LAD1: variants seen among roughly 807,000 people sequenced by gnomAD.
The protein encoded by LAD1 is ladinin-1.
LAD1 carries 53 observed loss-of-function variants against 54.2 expected under a neutral mutation model. The observed-to-expected ratio is 0.98, with a 90% CI of 0.78 to 1.23. LAD1 has a LOEUF of 1.23. LAD1 is among the 50% of genes most tolerant of loss of function. LAD1 has a pLI of 0.00. For missense variants in LAD1, 637 were observed against 653.3 expected (o/e 0.98, Z 0.27); for synonymous variants, 231 against 257.7 (o/e 0.90, Z 0.99).
chr1:201,389,335 T>A (rs780662096), intron 1 of LAD1, 32 bp from the exon 2 acceptor site: 3 of 1,601,174 alleles, frequency 1.9e-6, no homozygotes, highest in Non-Finnish European at 2.6e-6. Context: ...TCAGCACAGC[T>A]GGGGAAACCC....
In LAD1 at chr1:201,386,815, C is replaced by T. The variant is rs2799677; in HGVS notation, c.546G>A (p.Lys182=). The T allele has an allele frequency of 0.49, 793,915 of 1,613,332 alleles. 198,747 individuals are homozygous for T. The highest frequency in any genetic ancestry group is 0.71 in the African/African-American group (52,880 of 74,844). Residue 182 remains lysine, a synonymous_variant, in exon 3 of 10, where the codon AAG becomes AAA. Transcript: ENST00000391967. The part of the protein sequence containing the change: ...GVPEKSPVLE[K]SSMPKKTAPE... The stretch of plus-strand genomic sequence containing the variant: ...GTGCCGTCTTCTTTGGCATGGAGGA[C>T]TTCTCCAAGACTGGGGACTTTTCTG...
In LAD1 at chr1:201,383,077, C is replaced by T. The variant is rs770122019; in HGVS notation, c.1383G>A (p.Arg461=). The T allele has an allele frequency of 6.2e-7, 1 of 1,611,898 alleles. No individual in the cohort carries two copies. Among genetic ancestry groups the T allele is most frequent in the African/African-American group, 1.3e-5 (1 of 74,882 alleles). The change falls in exon 7 of 10, where the codon CGG becomes CGA. Residue 461 remains arginine, a synonymous_variant. Transcript: ENST00000391967. ...GQSRAEPASS[R]KENLRLSGVV... is the part of the protein sequence containing the mutation. Reference sequence around the variant, plus strand: ...CTGTGGGGCCTGAGCCCCTCACCTTCCGGCTGGAGGCTGGTTCTGCTCGGC... The same window carrying T: ...CTGTGGGGCCTGAGCCCCTCACCTTTCGGCTGGAGGCTGGTTCTGCTCGGC...
intron 1 of LAD1, chr1:201,391,150 T>C (rs1369979948): frequency 2.2e-6 from 1 of 456,468 alleles, no homozygotes; most frequent in Non-Finnish European, 4.4e-6. Flanking sequence ...ACCTTTCAGA[T>C]GGAAAGAGCT....
In LAD1 at chr1:201,382,642, G is replaced by C. The variant is rs373058452; in HGVS notation, c.1473+11C>G. On this transcript the variant is annotated intron_variant, in intron 8 of 9. Coordinates refer to ENST00000391967, the MANE Select transcript of LAD1 (RefSeq NM_005558.4). ...CTCCACAGTAAGAGACATCAGGGAGGGTGAGGATACCTGGGGGTCCTGATC... is the reference window on the plus strand; with the variant it reads ...CTCCACAGTAAGAGACATCAGGGAGCGTGAGGATACCTGGGGGTCCTGATC... The C allele has an allele frequency of 1.0e-5, 16 of 1,584,918 alleles. No homozygotes were observed. Among genetic ancestry groups the C allele is most frequent in the Non-Finnish European group, 1.1e-5 (13 of 1,163,338 alleles).
chr1:201,392,603 C>T (rs185897886), intron 1 of LAD1, among the ~76,000 whole-genome samples: 24 of 152,196 alleles, frequency 1.6e-4, no homozygotes, highest in Admixed American at 4.6e-4. Flanking sequence ...CAGGGGAAGA[C>T]GGGAAACCAG....
chr1:201,390,932 A>G, intron 1 of LAD1: 1 of 360,370 alleles, frequency 2.8e-6, no homozygotes, highest in South Asian at 2.1e-5. Flanking sequence ...GAAACAGATG[A>G]ACTTGCCAAG....
chr1:201,383,266 G>A, intron 6 of LAD1, 51 bp downstream of exon 6: 2 of 1,613,800 alleles, frequency 1.2e-6, no homozygotes, highest in East Asian at 2.2e-5. Context: ...AAAGGGCCAT[G>A]CCCACTACTC....
In LAD1 at chr1:201,384,838, G is replaced by C; in HGVS notation, c.1132-3C>G. 6.2e-7 allele frequency: 1 copy of C among 1,613,924 alleles called. No homozygotes were observed. Among genetic ancestry groups the C allele is most frequent in the Non-Finnish European group, 8.5e-7 (1 of 1,180,006 alleles). ...GAGTTTTCTTTCTTGGGTTTCATCT[G>C]AAATGAGAAGGAAAGGCATTGTTGT... is the stretch of plus-strand genomic sequence containing the variant. On this transcript the variant is annotated splice_region_variant and splice_polypyrimidine_tract_variant and intron_variant, in intron 4 of 9. Transcript: ENST00000391967.
chr1:201,383,276 C>T (rs1558269439), intron 6 of LAD1, 41 bp downstream of exon 6: 1 of 1,614,008 alleles, frequency 6.2e-7, no homozygotes, highest in Non-Finnish European at 8.5e-7. Context: ...GCCCACTACT[C>T]ATCCTGCACC....
intron 1 of LAD1, chr1:201,390,952 C>G: frequency 2.7e-6 from 1 of 364,674 alleles, no homozygotes; most frequent in Admixed American, 3.6e-5. Flanking sequence ...GTGCCTTTCT[C>G]TTTTTGGTCC....
In LAD1 at chr1:201,386,827, T is replaced by C. The variant is rs771462441; in HGVS notation, c.534A>G (p.Pro178=). The C allele has an allele frequency of 6.2e-7, 1 of 1,613,878 alleles. No homozygotes were observed. The highest frequency in any genetic ancestry group is 1.7e-5 in the Admixed American group (1 of 59,966). The change falls in exon 3 of 10, where the codon CCA becomes CCG. Residue 178 remains proline, a synonymous_variant. Transcript: ENST00000391967. The part of the protein sequence containing the change: ...ERKKGVPEKS[P]VLEKSSMPKK... ...TTGGCATGGAGGACTTCTCCAAGAC[T>C]GGGGACTTTTCTGGAACCCCTTTCT...
intron 3 of LAD1, 139 bp downstream of exon 3, chr1:201,386,196 A>G: frequency 2.3e-6 from 2 of 867,442 alleles, no homozygotes; most frequent in Middle Eastern, 7.4e-4. Context: ...GCAGGCAGGG[A>G]AAGAAGAGAC....
intron 1 of LAD1, 54 bp from the exon 2 acceptor site, chr1:201,389,357 G>A (rs537876521): frequency 2.2e-5 from 35 of 1,576,398 alleles, no homozygotes; most frequent in South Asian, 9.0e-5. Context: ...GGACCCTCCC[G>A]AGGCAGGCTC....
chr1:201,394,017 C>T lies in LAD1; in HGVS notation c.39-4714G>A, dbSNP rs112008068. ...CTTGAGCCCAGGAGTTTGAGACCAG[C>T]TTGGGCAACAAAGTGAGACCCCCAT... On this transcript the variant is annotated intron_variant, in intron 1 of 9. Coordinates refer to ENST00000391967, the MANE Select transcript of LAD1 (RefSeq NM_005558.4). Among the ~76,000 whole-genome samples the T allele has an allele frequency of 8.3e-3, 1,262 of 152,170 alleles. 29 individuals are homozygous for T. Among genetic ancestry groups the T allele is most frequent in the African/African-American group, 0.029 (1,205 of 41,506 alleles).
At position 201,385,712 on chromosome 1, in the gene LAD1, T is replaced by G; in HGVS notation, c.1120A>C (p.Ile374Leu). The change falls in exon 4 of 10, where the codon ATC becomes CTC. Residue 374 changes from isoleucine (I) to leucine (L), a missense_variant. Physicochemically the swap from Ile to Leu is conservative, Grantham distance 5. Transcript: ENST00000391967. Reference protein sequence around the residue: ...SSLKRSSPRTISFRMKPKKEN... With the variant: ...SSLKRSSPRTLSFRMKPKKEN... ...CCCAGGGCTCTCACCCGAAAGGAGA[T>G]GGTCCTGGGGCTGGAGCGTTTGAGG... 1 of 1,613,602 alleles carries G rather than the reference T, an allele frequency of 6.2e-7. No homozygotes were observed. The highest frequency in any genetic ancestry group is 8.5e-7 in the Non-Finnish European group (1 of 1,179,546).
intron 1 of LAD1, among the ~76,000 whole-genome samples, chr1:201,393,134 A>G (rs938899478): frequency 1.3e-5 from 2 of 152,266 alleles, no homozygotes; most frequent in Admixed American, 6.5e-5. Flanking sequence ...GAGGGACAAG[A>G]AGGAGATGAA....
chr1:201,386,786 T>C lies in LAD1; in HGVS notation c.575A>G (p.Glu192Gly). The C allele has an allele frequency of 6.2e-7, 1 of 1,614,086 alleles. No individual in the cohort carries two copies. Among genetic ancestry groups the C allele is most frequent in the Non-Finnish European group, 8.5e-7 (1 of 1,180,014 alleles). ...KSSMPKKTAP[E>G]KSLVSDKTSI... ...GGTTTTATCGGAGACCAGGCTCTTT[T>C]CAGGTGCCGTCTTCTTTGGCATGGA... Residue 192 changes from glutamate (E) to glycine (G), a missense_variant, in exon 3 of 10, where the codon GAA (glutamate) becomes GGA (glycine). Coordinates refer to ENST00000391967, the MANE Select transcript of LAD1 (RefSeq NM_005558.4).
At chr1:201,387,305 C>G in intron 2 of LAD1, 127 bp from the exon 3 acceptor site, 1 of 923,698 alleles carries the variant, frequency 1.1e-6, no homozygotes, top group Non-Finnish European at 1.5e-6. Flanking sequence ...CTGGCCTCCC[C>G]GGCTCACCAC....
Position 201,382,322 on chromosome 1 carries a change from G to C in LAD1, c.1478C>G (p.Ala493Gly), listed in dbSNP as rs1157886308. The C allele has an allele frequency of 5.0e-6, 8 of 1,612,818 alleles. No individual in the cohort carries two copies. Among genetic ancestry groups the C allele is most frequent in the African/African-American group, 1.3e-5 (1 of 74,886 alleles). ...CTCGGTTGCAGATGATGCTTTCTGTGCCTCCTGATTGAGGGTATCAGGGTG... is the reference window on the plus strand; with the variant it reads ...CTCGGTTGCAGATGATGCTTTCTGTCCCTCCTGATTGAGGGTATCAGGGTG... ...QESGDQDPQE[A>G]QKASSATERT... is the part of the protein sequence containing the mutation. Residue 493 changes from alanine (A) to glycine (G), a missense_variant, in exon 9 of 10, where the codon GCA becomes GGA. Physicochemically the swap from Ala to Gly is moderately conservative, Grantham distance 60 (BLOSUM62 0). Transcript: ENST00000391967.
Sources: allele counts gnomAD v4.1 joint callset (sites outside exome capture counted in the v4.1 genomes callset), GRCh38; gene constraint gnomAD v4.1.1; transcripts MANE v1.5; gene names NCBI Gene and HGNC (gene_info 2026-07-23, HGNC 2026-07-21).